Variants in DNM3 observed in about 807,000 individuals in gnomAD.
DNM3 encodes dynamin-3.
DNM3 carries 47 observed loss-of-function variants against 101.6 expected under a neutral mutation model. The ratio of observed to expected loss-of-function variants is 0.46; its 90% CI spans 0.37 to 0.59. The LOEUF (loss-of-function observed/expected upper bound fraction) is 0.59. Ranked by LOEUF, DNM3 falls within the 20% of genes least tolerant of loss-of-function variation. The probability of loss-of-function intolerance (pLI) is 0.00; values close to 1 mark genes in which losing one functional copy is unlikely to be tolerated. For missense variants in DNM3, 849 were observed against 1,085.7 expected (o/e 0.78, Z 3.06); for synonymous variants, 385 against 387.9 (o/e 0.99, Z 0.09).
At chr1:172,002,259 G>T (rs1283107082) in intron 4 of DNM3, among the ~76,000 whole-genome samples, 1 of 152,044 alleles carries the variant, frequency 6.6e-6, no homozygotes, top group Non-Finnish European at 1.5e-5. Context: ...ATTAAAAAAT[G>T]ACTTCATATG....
chr1:172,156,166 A>T (rs2058330208), intron 14 of DNM3, among the ~76,000 whole-genome samples: 1 of 152,146 alleles, frequency 6.6e-6, no homozygotes, highest in Non-Finnish European at 1.5e-5. Context: ...AGCTTCAGGG[A>T]TGATTTCCAA....
intron 6 of DNM3, among the ~76,000 whole-genome samples, chr1:172,037,127 A>C (rs1188529856): frequency 1.3e-5 from 2 of 152,114 alleles, no homozygotes; most frequent in Non-Finnish European, 2.9e-5. Flanking sequence ...AATCATTAAA[A>C]AGTCAGGAAA....
At chr1:172,010,112 A>G (rs2047010957) in intron 4 of DNM3, among the ~76,000 whole-genome samples, 2 of 151,682 alleles carry the variant, frequency 1.3e-5, no homozygotes, top group African/African-American at 2.4e-5. Context: ...AAGTTGTGCA[A>G]TTTTTCCTCT....
intron 15 of DNM3, among the ~76,000 whole-genome samples, chr1:172,275,328 G>A (rs534534454): frequency 1.3e-5 from 2 of 151,880 alleles, no homozygotes; most frequent in African/African-American, 4.8e-5. Context: ...GAACATGCAG[G>A]CTCAATATTT....
intron 17 of DNM3, among the ~76,000 whole-genome samples, chr1:172,344,394 T>C (rs1297449738): frequency 6.6e-6 from 1 of 152,236 alleles, no homozygotes; most frequent in Non-Finnish European, 1.5e-5. Context: ...GCTGTAATTA[T>C]TTCCCTTGGT....
At chr1:172,066,105 A>G (rs1187227694) in intron 10 of DNM3, among the ~76,000 whole-genome samples, 3 of 152,130 alleles carry the variant, frequency 2.0e-5, no homozygotes, top group African/African-American at 7.2e-5. Context: ...AGTTTGGAGA[A>G]ATATTACATG....
intron 15 of DNM3, among the ~76,000 whole-genome samples, chr1:172,301,021 G>A (rs2064422010): frequency 1.3e-5 from 2 of 152,220 alleles, no homozygotes; most frequent in African/African-American, 2.4e-5. Context: ...GGAAGGTCTA[G>A]ACAGGAGATA....
chr1:172,079,744 C>T (rs2052980970), intron 11 of DNM3, among the ~76,000 whole-genome samples: 1 of 152,084 alleles, frequency 6.6e-6, no homozygotes, highest in Admixed American at 6.6e-5. Context: ...TGTTTTTTTC[C>T]TCATCTTTGT....
At chr1:172,136,754 C>T (rs1055037532) in intron 14 of DNM3, 31 of 152,050 alleles carry the variant, frequency 2.0e-4, no homozygotes, top group Admixed American at 5.2e-4. Context: ...AGTTTAGATT[C>T]AAACCCACTC....
At chr1:172,227,288 A>ATATATATATATATATC (rs1553200086) in intron 14 of DNM3, among the ~76,000 whole-genome samples, 1 of 128,810 alleles carries the variant, frequency 7.8e-6, no homozygotes, top group African/African-American at 3.5e-5. Flanking sequence ...ATATATATAT[A>ATATATATATATATATC]TATATATATA....
At chr1:172,002,128 C>T (rs2046393606) in intron 4 of DNM3, among the ~76,000 whole-genome samples, 1 of 151,978 alleles carries the variant, frequency 6.6e-6, no homozygotes, top group East Asian at 1.9e-4. Context: ...TTCCATTTTA[C>T]CTTAAAATTC....
intron 17 of DNM3, among the ~76,000 whole-genome samples, chr1:172,365,447 A>G (rs1408721872): frequency 6.6e-6 from 1 of 151,954 alleles, no homozygotes; most frequent in African/African-American, 2.4e-5. Flanking sequence ...TCAGTCATTG[A>G]TGTTAAGAAA....
intron 1 of DNM3, among the ~76,000 whole-genome samples, chr1:171,920,620 T>C (rs1489011852): frequency 4.6e-5 from 7 of 152,242 alleles, no homozygotes; most frequent in Non-Finnish European, 1.0e-4. Context: ...CTCTAAAAGT[T>C]GTGAGACATT....
chr1:172,063,023 A>G (rs959754027), intron 10 of DNM3, among the ~76,000 whole-genome samples: 5 of 152,218 alleles, frequency 3.3e-5, no homozygotes, highest in African/African-American at 7.2e-5. Flanking sequence ...TATGAGTGCT[A>G]AAATTCATTA....
At chr1:172,032,697 A>G (rs1042292057) in intron 5 of DNM3, among the ~76,000 whole-genome samples, 197 bp downstream of exon 5, 1 of 152,056 alleles carries the variant, frequency 6.6e-6, no homozygotes. Flanking sequence ...AAAATAATCC[A>G]AAGGGAGAAC....
At position 172,144,360 on chromosome 1, in the gene DNM3, C is replaced by T. The variant is rs565626689; in HGVS notation, c.1659+13072C>T. ...AGACCAGGTGAGCAGTCAAGAAGGC[C>T]TTACCCGCTGGTCTTCCCTTCGGCA... On this transcript the variant is annotated intron_variant, in intron 14 of 20. Coordinates refer to ENST00000627582, the MANE Select transcript of DNM3 (RefSeq NM_015569.5). 5.7e-5 allele frequency: 12 copies of T among 211,526 alleles called. No homozygotes were observed. In the South Asian group the frequency reaches 8.2e-4, roughly 14 times the overall value. 13.1% of individuals were successfully genotyped at this position (211,526 alleles called of 1,614,324 possible).
At chr1:172,109,749 A>C (rs769666478) in intron 13 of DNM3, among the ~76,000 whole-genome samples, 4 of 152,102 alleles carry the variant, frequency 2.6e-5, no homozygotes, top group African/African-American at 7.2e-5. Context: ...CCTGTTACTT[A>C]TATGTTCTTT....
chr1:172,288,250 G>T (rs2063775278), intron 15 of DNM3, among the ~76,000 whole-genome samples: 1 of 152,158 alleles, frequency 6.6e-6, no homozygotes, highest in Non-Finnish European at 1.5e-5. Context: ...GGATTTCAGG[G>T]AATGGTCAAA....
intron 1 of DNM3, among the ~76,000 whole-genome samples, chr1:171,908,241 T>C (rs1461967326): frequency 1.3e-5 from 2 of 152,228 alleles, no homozygotes; most frequent in South Asian, 2.1e-4. Context: ...AGATAAGATA[T>C]GAATTTTTTG....
Sources: gnomAD v4.1 joint callset for allele counts (sites outside exome capture counted in the v4.1 genomes callset) on GRCh38, gnomAD v4.1.1 for gene constraint, MANE v1.5 for transcripts, NCBI Gene and HGNC (gene_info 2026-07-23, HGNC 2026-07-21) for gene names.